The following TBC1D15 variants were observed in gnomAD, a reference collection of about 807,000 sequenced individuals.
The protein encoded by TBC1D15 is GAP for RAB7.
A neutral mutation model predicts 95.4 loss-of-function variants in TBC1D15; 39 were observed. The ratio of observed to expected loss-of-function variants is 0.41; its 90% CI spans 0.32 to 0.53. The LOEUF (loss-of-function observed/expected upper bound fraction) is 0.53, where lower values mean the gene tolerates loss of function less well. Among genes scored for constraint, TBC1D15 ranks in the 20% least tolerant of loss-of-function variants. The pLI is 0.29. For missense variants in TBC1D15, 733 were observed against 794.3 expected (o/e 0.92, Z 0.93); for synonymous variants, 258 against 261.3 (o/e 0.99, Z 0.12).
chr12:71,919,410 C>A (rs773950351), intron 14 of TBC1D15, among the ~76,000 whole-genome samples: 2 of 152,012 alleles, frequency 1.3e-5, no homozygotes, highest in African/African-American at 2.4e-5. Flanking sequence ...AACAGAAATT[C>A]TTCCAAGGAA....
chr12:71,849,267 T>G (rs894120147), intron 1 of TBC1D15: 60 of 749,120 alleles, frequency 8.0e-5, no homozygotes, highest in Middle Eastern at 3.1e-4. Context: ...GCATCAGGTC[T>G]GAGACTGTTC....
chr12:71,853,761 A>G (rs542772806), intron 1 of TBC1D15, among the ~76,000 whole-genome samples: 1 of 152,256 alleles, frequency 6.6e-6, no homozygotes, highest in South Asian at 2.1e-4. Flanking sequence ...TTGCTTTTAA[A>G]CTTTGCTAAA....
intron 1 of TBC1D15, among the ~76,000 whole-genome samples, chr12:71,864,007 A>G (rs1890936203): frequency 2.0e-5 from 3 of 146,432 alleles, no homozygotes. Flanking sequence ...CCTTTTGTTG[A>G]TTTCTTTTTC....
At chr12:71,886,589 G>A (rs1896279894) in intron 5 of TBC1D15, among the ~76,000 whole-genome samples, 1 of 152,220 alleles carries the variant, frequency 6.6e-6, no homozygotes, top group African/African-American at 2.4e-5. Context: ...ACAAAAACTG[G>A]AAGATTCTCG....
intron 1 of TBC1D15, among the ~76,000 whole-genome samples, chr12:71,860,850 G>T (rs529763547): frequency 6.6e-6 from 1 of 152,088 alleles, no homozygotes; most frequent in Non-Finnish European, 1.5e-5. Flanking sequence ...GTATGATGTT[G>T]GCTGTAGAGT....
At chr12:71,860,720 T>C (rs1890190919) in intron 1 of TBC1D15, among the ~76,000 whole-genome samples, 1 of 152,218 alleles carries the variant, frequency 6.6e-6, no homozygotes, top group Non-Finnish European at 1.5e-5. Context: ...TTTTCTTTCT[T>C]TCTCTTGCCT....
chr12:71,863,715 T>C (rs1207548759), intron 1 of TBC1D15, among the ~76,000 whole-genome samples: 1 of 152,202 alleles, frequency 6.6e-6, no homozygotes, highest in African/African-American at 2.4e-5. Flanking sequence ...TAGGCTTTTG[T>C]CACTCTTTTT....
intron 1 of TBC1D15, among the ~76,000 whole-genome samples, chr12:71,840,282 A>T (rs1884622762): frequency 6.6e-6 from 1 of 152,202 alleles, no homozygotes; most frequent in Non-Finnish European, 1.5e-5. Flanking sequence ...CTAGGCAGCT[A>T]GCTGTGCGCT....
At chr12:71,910,152 G>A (rs1901832621) in intron 11 of TBC1D15, among the ~76,000 whole-genome samples, 1 of 151,860 alleles carries the variant, frequency 6.6e-6, no homozygotes, top group African/African-American at 2.4e-5. Context: ...TCTCAGGTTT[G>A]TCAAAGATCA....
chr12:71,885,329 C>T (rs992926398), intron 5 of TBC1D15, among the ~76,000 whole-genome samples: 2 of 152,042 alleles, frequency 1.3e-5, no homozygotes, highest in Non-Finnish European at 2.9e-5. Context: ...ACCTAATTTA[C>T]CCTTTATTAT....
At position 71,867,180 on chromosome 12, in the gene TBC1D15, A is replaced by G. The variant is rs549295933; in HGVS notation, c.31-4890A>G. ...CATTGGTTTATAAATGTAGACATTTAAAAATTGGTTTTTAGTTCTGAAGCA... is the reference window on the plus strand; with the variant it reads ...CATTGGTTTATAAATGTAGACATTTGAAAATTGGTTTTTAGTTCTGAAGCA... On this transcript the variant is annotated intron_variant, in intron 1 of 16. Coordinates refer to ENST00000485960, the MANE Select transcript of TBC1D15 (RefSeq NM_001146213.3). Among the ~76,000 whole-genome samples, 8 of 152,372 alleles carry G rather than the reference A, an allele frequency of 5.3e-5. No individual in the cohort carries two copies. The South Asian group carries it at 1.7e-3, about 32-fold the overall frequency.
chr12:71,891,489 C>T (rs1897198601), intron 5 of TBC1D15, among the ~76,000 whole-genome samples: 1 of 152,100 alleles, frequency 6.6e-6, no homozygotes, highest in African/African-American at 2.4e-5. Flanking sequence ...TGTGGTGACC[C>T]AGCAGGTGGA....
chr12:71,888,605 C>T (rs1468766714), intron 5 of TBC1D15, among the ~76,000 whole-genome samples: 1 of 152,086 alleles, frequency 6.6e-6, no homozygotes, highest in Non-Finnish European at 1.5e-5. Context: ...CACCTACAGG[C>T]TTTCCTAATG....
chr12:71,896,748 G>A lies in TBC1D15; in HGVS notation c.1056G>A (p.Lys352=), dbSNP rs368323196. 768 of 1,612,468 alleles carry A rather than the reference G, an allele frequency of 4.8e-4. 9 individuals carry two copies. In the South Asian group the frequency reaches 8.2e-3, roughly 17 times the overall value. The change falls in exon 9 of 17, where the codon AAG becomes AAA. Residue 352 remains lysine (K), a synonymous_variant. Transcript: ENST00000485960. ...GTTATTTTCCCTGGGACAGTACCAA[G>A]GAGGAAAGAACCCAATTACAAAAGC... ...LLGYFPWDST[K]EERTQLQKQK...
intron 4 of TBC1D15, among the ~76,000 whole-genome samples, chr12:71,883,262 GAACTGTTC>G (rs1895580225): frequency 6.6e-6 from 1 of 151,890 alleles, no homozygotes; most frequent in Admixed American, 6.6e-5. Flanking sequence ...TGAAATTCTA[GAACTGTTC>G]TCACTTAGAT....
intron 1 of TBC1D15, among the ~76,000 whole-genome samples, chr12:71,841,615 C>T (rs1885032004): frequency 6.6e-6 from 1 of 152,196 alleles, no homozygotes; most frequent in Non-Finnish European, 1.5e-5. Flanking sequence ...CATGTCCTAC[C>T]AGTTTTACCT....
chr12:71,916,657 G>A (rs781127969), intron 12 of TBC1D15, among the ~76,000 whole-genome samples: 67 of 152,262 alleles, frequency 4.4e-4, no homozygotes, highest in Middle Eastern at 3.4e-3. Flanking sequence ...CTTTCACTAG[G>A]GTTAGGGCGG....
At chr12:71,851,920 G>A (rs1470031632) in intron 1 of TBC1D15, among the ~76,000 whole-genome samples, 2 of 152,168 alleles carry the variant, frequency 1.3e-5, no homozygotes, top group African/African-American at 2.4e-5. Flanking sequence ...AAGGACAGTG[G>A]CCCTCTTCTC....
chr12:71,855,942 TTG>T (rs997642573), intron 1 of TBC1D15, among the ~76,000 whole-genome samples: 43 of 150,570 alleles, frequency 2.9e-4, no homozygotes, highest in South Asian at 6.3e-4. Flanking sequence ...GTGGTTTTTT[TTG>T]GGGGGGGGTA....
Sources: gnomAD v4.1 joint callset for allele counts (sites outside exome capture counted in the v4.1 genomes callset) on GRCh38, gnomAD v4.1.1 for gene constraint, MANE v1.5 for transcripts, NCBI Gene and HGNC (gene_info 2026-07-23, HGNC 2026-07-21) for gene names.